The following FKBP7 variants were observed in gnomAD, a reference collection of about 807,000 sequenced individuals.
The protein encoded by FKBP7 is FKBP prolyl isomerase 7.
Under a neutral mutation model 24.3 loss-of-function variants are expected in FKBP7, and 24 were observed. The ratio of observed to expected loss-of-function variants is 0.99; its 90% CI spans 0.72 to 1.39. FKBP7 has a LOEUF of 1.39. Ranked by LOEUF, FKBP7 falls within the 40% of genes most tolerant of loss-of-function variation. FKBP7 has a pLI of 0.00. For missense variants in FKBP7, 257 were observed against 269.5 expected, an observed-to-expected ratio of 0.95 and a Z score of 0.33; for synonymous variants, 98 against 92.8, an observed-to-expected ratio of 1.06 and a Z score of -0.32.
intron 1 of FKBP7, 97 bp from the exon 2 acceptor site, chr2:178,477,310 T>C: frequency 8.2e-7 from 1 of 1,212,492 alleles, no homozygotes; most frequent in East Asian, 2.4e-5. Flanking sequence ...CTAACCATCA[T>C]TCCCATATAA....
chr2:178,472,259 G>T (rs1156994263), intron 2 of FKBP7, among the ~76,000 whole-genome samples: 3 of 151,830 alleles, frequency 2.0e-5, no homozygotes, highest in African/African-American at 7.3e-5. Flanking sequence ...ATTTTTAGTA[G>T]ATACGGGGTT....
intron 3 of FKBP7, among the ~76,000 whole-genome samples, chr2:178,468,901 C>T (rs1442747059): frequency 6.7e-6 from 1 of 150,000 alleles, no homozygotes; most frequent in African/African-American, 2.5e-5. Flanking sequence ...AGGTCTCAGT[C>T]TATCTTCCAG....
intron 2 of FKBP7, among the ~76,000 whole-genome samples, chr2:178,474,706 G>A (rs893151792): frequency 6.7e-6 from 1 of 150,016 alleles, no homozygotes; most frequent in African/African-American, 2.5e-5. Context: ...TTTTTTTTTT[G>A]AGCCAGGGTC....
At chr2:178,469,188 C>A (rs1684774317) in intron 3 of FKBP7, among the ~76,000 whole-genome samples, 2 of 152,120 alleles carry the variant, frequency 1.3e-5, no homozygotes, top group Non-Finnish European at 2.9e-5. Context: ...ATTATTATTA[C>A]AAGATCTTTA....
At chr2:178,472,480 A>G (rs1575134720) in intron 2 of FKBP7, among the ~76,000 whole-genome samples, 1 of 149,446 alleles carries the variant, frequency 6.7e-6, no homozygotes, top group African/African-American at 2.5e-5. Context: ...GGCTTATACC[A>G]CTTTTTTTTT....
intron 3 of FKBP7, among the ~76,000 whole-genome samples, chr2:178,466,289 A>C (rs73036316): frequency 0.02 from 3,058 of 152,282 alleles, 96 homozygotes; most frequent in African/African-American, 0.069. Context: ...CCCAATTGGC[A>C]TTTCTATAAT....
At position 178,472,074 on chromosome 2, in the gene FKBP7, TTTCG is replaced by T. The variant is rs1452787818; in HGVS notation, c.374-2293_374-2290del. Among the ~76,000 whole-genome samples, 505 of 150,708 alleles carry T rather than the reference TTTCG, an allele frequency of 3.4e-3. 4 individuals carry two copies. The highest frequency in any genetic ancestry group is 0.012 in the African/African-American group (481 of 40,270). On this transcript the variant is annotated intron_variant, in intron 2 of 3. Coordinates refer to ENST00000424785, the MANE Select transcript of FKBP7 (RefSeq NM_181342.3). ...AAACACAAATTCAAATTTCTTTTCT[TTTCG>T]TTTTTTTTTTTTTTTGAGACAGAAT...
chr2:178,475,412 T>C (rs1206343700), intron 2 of FKBP7, among the ~76,000 whole-genome samples: 1 of 152,132 alleles, frequency 6.6e-6, no homozygotes, highest in Non-Finnish European at 1.5e-5. Context: ...GTATTTTTAG[T>C]GGAGACGGGG....
chr2:178,472,915 T>C (rs1319620359), intron 2 of FKBP7: 1 of 317,130 alleles, frequency 3.2e-6, no homozygotes, highest in Non-Finnish European at 5.9e-6. Context: ...TTTTTTTTTT[T>C]TTAAAAAAAA....
intron 2 of FKBP7, among the ~76,000 whole-genome samples, chr2:178,474,947 C>T (rs2154127104): frequency 6.6e-6 from 1 of 152,294 alleles, no homozygotes; most frequent in South Asian, 2.1e-4. Flanking sequence ...CTTAGCCTCT[C>T]AAAGTGCTGG....
At position 178,465,169 on chromosome 2, in the gene FKBP7, G is replaced by A. The variant is rs903379571; in HGVS notation, c.*601C>T. ...AAATATTTTTAAACATTCCCCACTGGAAAATACCCAAGGCTAGAAGCTTAC... is the reference window on the plus strand; with the variant it reads ...AAATATTTTTAAACATTCCCCACTGAAAAATACCCAAGGCTAGAAGCTTAC... On this transcript the variant is annotated 3_prime_UTR_variant, in exon 4 of 4. Coordinates refer to ENST00000424785, the MANE Select transcript of FKBP7 (RefSeq NM_181342.3). 2.0e-5 allele frequency: 3 copies of A among 152,134 alleles called. No homozygotes were observed. Among genetic ancestry groups the A allele is most frequent in the Admixed American group, 1.3e-4 (2 of 15,262 alleles). 9.4% of individuals were successfully genotyped at this position (152,134 alleles called of 1,614,324 possible).
At chr2:178,477,569 C>T (rs1685045360) in intron 1 of FKBP7, among the ~76,000 whole-genome samples, 1 of 152,026 alleles carries the variant, frequency 6.6e-6, no homozygotes, top group African/African-American at 2.4e-5. Flanking sequence ...CAGTTTTAGC[C>T]TCAAAAAGTC....
At chr2:178,469,536 A>G (rs1684789697) in intron 3 of FKBP7, 116 bp downstream of exon 3, 5 of 1,058,878 alleles carry the variant, frequency 4.7e-6, no homozygotes, top group Non-Finnish European at 7.1e-6. Flanking sequence ...CCAGCTCTAT[A>G]AAAGCAGTGA....
Position 178,467,467 on chromosome 2 carries a change from A to G in FKBP7, c.508-1536T>C, listed in dbSNP as rs754803964. 6.4e-4 allele frequency among the ~76,000 whole-genome samples: 97 copies of G among 151,874 alleles called. 1 individual carries two copies. Among genetic ancestry groups the G allele is most frequent in the Non-Finnish European group, 1.0e-3 (69 of 67,988 alleles). ...TTTTTTTAGTTCGTGTTTCTACTTC[A>G]GGCTTTGTCTTGGATTTGCTGTGTG... On this transcript the variant is annotated intron_variant, in intron 3 of 3. Coordinates refer to ENST00000424785, the MANE Select transcript of FKBP7 (RefSeq NM_181342.3).
Position 178,465,947 on chromosome 2 carries a change from A to G in FKBP7, c.508-16T>C. The G allele has an allele frequency of 6.4e-7, 1 of 1,569,188 alleles. No homozygotes were observed. Among genetic ancestry groups the G allele is most frequent in the South Asian group, 1.2e-5 (1 of 82,998 alleles). On this transcript the variant is annotated splice_polypyrimidine_tract_variant and intron_variant, in intron 3 of 3. Transcript: ENST00000424785. Reference sequence around the variant, plus strand: ...AGAGGTTTATCTGGAAGGCCAAAATAACATTCCTTTAATTAAAAGGTATCA... The same window carrying G: ...AGAGGTTTATCTGGAAGGCCAAAATGACATTCCTTTAATTAAAAGGTATCA...
At position 178,469,712 on chromosome 2, in the gene FKBP7, C is replaced by A. The variant is rs74929444; in HGVS notation, c.447G>T (p.Arg149=). Residue 149 remains arginine (R), a synonymous_variant, in exon 3 of 4, where the codon CGG becomes CGT. Coordinates refer to ENST00000424785, the MANE Select transcript of FKBP7 (RefSeq NM_181342.3). ...IELYAVTKGP[R]SIETFKQIDM... The stretch of plus-strand genomic sequence containing the variant: ...CTATTTGTTTAAATGTCTCAATGCT[C>A]CGTGGTCCTTTGGTCACAGCATAAA... The A allele has an allele frequency of 6.2e-7, 1 of 1,613,988 alleles. No individual in the cohort carries two copies. Among genetic ancestry groups the A allele is most frequent in the Non-Finnish European group, 8.5e-7 (1 of 1,179,954 alleles).
intron 2 of FKBP7, among the ~76,000 whole-genome samples, chr2:178,476,167 C>A (rs1287358977): frequency 6.6e-6 from 1 of 152,130 alleles, no homozygotes; most frequent in African/African-American, 2.4e-5. Flanking sequence ...ATATAATCAT[C>A]ATGAGTGTTG....
chr2:178,475,429 C>A (rs886846549), intron 2 of FKBP7, among the ~76,000 whole-genome samples: 1 of 152,018 alleles, frequency 6.6e-6, no homozygotes, highest in African/African-American at 2.4e-5. Context: ...GGGGTTTCAC[C>A]ATATTGGCCA....
Sources: allele counts gnomAD v4.1 joint callset (sites outside exome capture counted in the v4.1 genomes callset), GRCh38; gene constraint gnomAD v4.1.1; transcripts MANE v1.5; gene names NCBI Gene and HGNC (gene_info 2026-07-23, HGNC 2026-07-21).